The following RGS7 variants were observed in gnomAD, a reference collection of about 807,000 sequenced individuals.
RGS7 encodes the protein regulator of G protein signaling 7.
A neutral mutation model predicts 81.1 loss-of-function variants in RGS7; 27 were observed. The ratio of observed to expected loss-of-function variants is 0.33; its 90% CI spans 0.25 to 0.46. The LOEUF is 0.46. Among genes scored for constraint, RGS7 ranks in the 20% least tolerant of loss-of-function variants. RGS7 has a pLI of 1.00. For missense variants in RGS7, 396 were observed against 607.4 expected, an observed-to-expected ratio of 0.65 and a Z score of 3.66; for synonymous variants, 208 against 207.7, an observed-to-expected ratio of 1.00 and a Z score of -0.01.
chr1:240,780,784 C>T (rs1009237894), intron 18 of RGS7, among the ~76,000 whole-genome samples: 3 of 151,384 alleles, frequency 2.0e-5, no homozygotes. Context: ...CGTGGTGGTG[C>T]GTGCCTGTAG....
At chr1:241,053,903 C>T (rs1302142574) in intron 3 of RGS7, among the ~76,000 whole-genome samples, 2 of 152,132 alleles carry the variant, frequency 1.3e-5, no homozygotes, top group Non-Finnish European at 2.9e-5. Context: ...CACCTTCTGC[C>T]GTGATTGTGA....
At position 240,806,124 on chromosome 1, in the gene RGS7, C is replaced by T; in HGVS notation, c.1269+16G>A. The T allele has an allele frequency of 6.2e-7, 1 of 1,611,322 alleles. No individual in the cohort carries two copies. Among genetic ancestry groups the T allele is most frequent in the South Asian group, 1.1e-5 (1 of 91,020 alleles). On this transcript the variant is annotated intron_variant, in intron 15 of 18. Transcript: ENST00000440928. ...TCGGAAGCACGTTTGTGGTGTGAGG[C>T]TCACCGTACACCCACCTGAGCATCT...
intron 2 of RGS7, among the ~76,000 whole-genome samples, chr1:241,218,331 C>T (rs1202012352): frequency 6.6e-6 from 1 of 152,206 alleles, no homozygotes; most frequent in Non-Finnish European, 1.5e-5. Context: ...ACCTGTCAAA[C>T]GGAGCCCCCA....
At chr1:241,106,673 G>A (rs1260615017) in intron 2 of RGS7, among the ~76,000 whole-genome samples, 2 of 138,748 alleles carry the variant, frequency 1.4e-5, no homozygotes, top group Non-Finnish European at 3.0e-5. Flanking sequence ...CCGAGATCGC[G>A]CAACTGAACT....
chr1:240,783,240 C>G (rs1387361596), intron 18 of RGS7, among the ~76,000 whole-genome samples: 1 of 152,180 alleles, frequency 6.6e-6, no homozygotes, highest in African/African-American at 2.4e-5. Context: ...AGGGACAACA[C>G]TCTCAAAACA....
intron 2 of RGS7, among the ~76,000 whole-genome samples, chr1:241,119,721 G>A (rs915279765): frequency 6.6e-6 from 1 of 152,254 alleles, no homozygotes; most frequent in Non-Finnish European, 1.5e-5. Flanking sequence ...AAAGCTCCCA[G>A]GCTCATCGTG....
intron 2 of RGS7, among the ~76,000 whole-genome samples, chr1:241,103,903 A>G (rs1169571468): frequency 6.6e-6 from 1 of 152,164 alleles, no homozygotes; most frequent in Non-Finnish European, 1.5e-5. Flanking sequence ...TAATCAAACA[A>G]GACCTTATAC....
At chr1:240,930,912 C>T in intron 5 of RGS7, 144 bp from the exon 6 acceptor site, 2 of 848,086 alleles carry the variant, frequency 2.4e-6, no homozygotes, top group East Asian at 5.3e-5. Context: ...CCAAGAGAGA[C>T]ATTGAAAACT....
intron 2 of RGS7, among the ~76,000 whole-genome samples, chr1:241,173,807 T>C (rs2070909350): frequency 6.6e-6 from 1 of 152,106 alleles, no homozygotes; most frequent in Non-Finnish European, 1.5e-5. Flanking sequence ...AGAAAATTAC[T>C]AACCTTTGCT....
At chr1:240,821,322 C>T (rs764548135) in intron 10 of RGS7, among the ~76,000 whole-genome samples, 1 of 152,112 alleles carries the variant, frequency 6.6e-6, no homozygotes, top group Non-Finnish European at 1.5e-5. Context: ...TGTGGTGGCA[C>T]ATGCCTGTAG....
intron 2 of RGS7, among the ~76,000 whole-genome samples, chr1:241,188,018 G>T (rs192040829): frequency 1.3e-5 from 2 of 152,300 alleles, no homozygotes; most frequent in Admixed American, 1.3e-4. Flanking sequence ...ATAAGTTGTA[G>T]TGTCAGCAGA....
chr1:241,014,054 G>A (rs2059104810), intron 3 of RGS7, among the ~76,000 whole-genome samples: 2 of 152,210 alleles, frequency 1.3e-5, no homozygotes, highest in African/African-American at 4.8e-5. Context: ...AGAAATGGTG[G>A]TGATGGTCAA....
intron 9 of RGS7, among the ~76,000 whole-genome samples, chr1:240,863,761 T>G (rs1662698311): frequency 6.6e-6 from 1 of 151,192 alleles, no homozygotes; most frequent in African/African-American, 2.5e-5. Context: ...GAAAACCGTT[T>G]TAAAATACCA....
chr1:241,000,091 T>C (rs1687907151), intron 3 of RGS7, among the ~76,000 whole-genome samples: 1 of 152,080 alleles, frequency 6.6e-6, no homozygotes, highest in African/African-American at 2.4e-5. Context: ...ATGGCAGAAG[T>C]CTCGATGCTC....
intron 2 of RGS7, among the ~76,000 whole-genome samples, chr1:241,157,216 TG>T (rs2069234216): frequency 6.6e-6 from 1 of 152,152 alleles, no homozygotes; most frequent in African/African-American, 2.4e-5. Context: ...AGAGCTAATA[TG>T]GAACCTGGAG....
intron 14 of RGS7, among the ~76,000 whole-genome samples, chr1:240,808,791 G>A (rs1689326377): frequency 6.6e-6 from 1 of 151,922 alleles, no homozygotes; most frequent in Non-Finnish European, 1.5e-5. Flanking sequence ...GGGAGGATCA[G>A]TTGAGCCCAG....
chr1:241,024,653 AT>A (rs2059701828), intron 3 of RGS7, among the ~76,000 whole-genome samples: 1 of 152,254 alleles, frequency 6.6e-6, no homozygotes, highest in Non-Finnish European at 1.5e-5. Flanking sequence ...AGAATAAATT[AT>A]GGAGCAGAAA....
At chr1:241,092,162 A>G (rs148532934) in intron 3 of RGS7, among the ~76,000 whole-genome samples, 1 of 152,230 alleles carries the variant, frequency 6.6e-6, no homozygotes, top group African/African-American at 2.4e-5. Context: ...CTATTTCAAT[A>G]TCTTGTTAAG....
At chr1:241,273,179 C>CCA (rs1056311870) in intron 2 of RGS7, among the ~76,000 whole-genome samples, 1 of 114,026 alleles carries the variant, frequency 8.8e-6, no homozygotes, top group South Asian at 3.7e-4. Context: ...TAATGAACCC[C>CCA]CCCCCCCAAA....
Sources: allele counts gnomAD v4.1 joint callset (sites outside exome capture counted in the v4.1 genomes callset), GRCh38; gene constraint gnomAD v4.1.1; transcripts MANE v1.5; gene names NCBI Gene and HGNC (gene_info 2026-07-23, HGNC 2026-07-21).